The following DYTN variants were observed in gnomAD, a reference collection of about 807,000 sequenced individuals.
The protein encoded by DYTN is dystrotelin.
A neutral mutation model predicts 69.6 loss-of-function variants in DYTN; 75 were observed. That is an observed-to-expected ratio of 1.08 (90% CI 0.89 to 1.31). The LOEUF (loss-of-function observed/expected upper bound fraction) is 1.31, where lower values mean the gene tolerates loss of function less well. Among genes scored for constraint, DYTN ranks in the 50% most tolerant of loss-of-function variants. The pLI is 0.00. For synonymous variants in DYTN, 252 were observed against 249.1 expected (o/e 1.01, Z -0.11); for missense variants, 726 against 688.4 (o/e 1.05, Z -0.61).
At chr2:206,688,564 T>C (rs1402806943) in intron 9 of DYTN, among the ~76,000 whole-genome samples, 1 of 152,158 alleles carries the variant, frequency 6.6e-6, no homozygotes, top group African/African-American at 2.4e-5. Context: ...CAACTCAAAA[T>C]TTTTTTGCCA....
chr2:206,668,272 C>T (rs541968296), intron 9 of DYTN, among the ~76,000 whole-genome samples: 64 of 152,326 alleles, frequency 4.2e-4, no homozygotes, highest in South Asian at 6.2e-4. Flanking sequence ...TCTGGCCTAT[C>T]CACCAGGTCT....
At chr2:206,657,964 T>C (rs1306204020) in intron 11 of DYTN, among the ~76,000 whole-genome samples, 1 of 152,188 alleles carries the variant, frequency 6.6e-6, no homozygotes, top group Non-Finnish European at 1.5e-5. Context: ...CCTTTCTTTC[T>C]CCTCTGCTTC....
intron 10 of DYTN, 54 bp from the exon 11 acceptor site, chr2:206,663,449 AT>A: frequency 1.3e-6 from 2 of 1,485,840 alleles, no homozygotes; most frequent in East Asian, 4.8e-5. Context: ...TTACTTTTTC[AT>A]AAATGCATTA....
intron 9 of DYTN, among the ~76,000 whole-genome samples, chr2:206,677,761 C>T (rs573408807): frequency 1.5e-4 from 23 of 152,172 alleles, no homozygotes; most frequent in African/African-American, 4.8e-4. Context: ...GAGACTGAGG[C>T]GGGCAGATCA....
At chr2:206,687,464 C>T (rs1399166247) in intron 9 of DYTN, 2 of 152,128 alleles carry the variant, frequency 1.3e-5, no homozygotes, top group Non-Finnish European at 2.9e-5. Context: ...TATCTTATTA[C>T]CGAAAATATT....
At chr2:206,706,006 T>C in intron 3 of DYTN, 133 bp from the exon 4 acceptor site, 1 of 816,606 alleles carries the variant, frequency 1.2e-6, no homozygotes, top group Admixed American at 2.5e-5. Context: ...TTGTGGCCTC[T>C]TATCCTATAC....
At position 206,661,913 on chromosome 2, in the gene DYTN, A is replaced by T. The variant is rs192447181; in HGVS notation, c.1633+990T>A. ...ATGATGGATTGACTTACTATTTTTT[A>T]AATTTTATGATGGTGCAAAAGTGAT... is the stretch of plus-strand genomic sequence containing the variant. On this transcript the variant is annotated intron_variant, in intron 11 of 11. Coordinates refer to ENST00000452335, the MANE Select transcript of DYTN (RefSeq NM_001093730.1). 2.3e-3 allele frequency among the ~76,000 whole-genome samples: 348 copies of T among 152,296 alleles called. 4 individuals are homozygous for T. Among genetic ancestry groups the T allele is most frequent in the African/African-American group, 7.9e-3 (329 of 41,558 alleles).
At chr2:206,705,756 C>T (rs1266450806) in intron 4 of DYTN, 32 bp downstream of exon 4, 1 of 1,606,452 alleles carries the variant, frequency 6.2e-7, no homozygotes. Context: ...GCTCACTGCA[C>T]TTTAGGACAC....
chr2:206,702,474 G>A (rs1000159205), intron 5 of DYTN, among the ~76,000 whole-genome samples: 3 of 152,220 alleles, frequency 2.0e-5, no homozygotes, highest in Non-Finnish European at 4.4e-5. Context: ...GTGTAATAGT[G>A]ACAAGATGGC....
At position 206,677,614 on chromosome 2, in the gene DYTN, C is replaced by G. The variant is rs922826550; in HGVS notation, c.981-11585G>C. Among the ~76,000 whole-genome samples the G allele has an allele frequency of 8.5e-5, 13 of 152,284 alleles. 1 individual carries two copies. The highest frequency in any genetic ancestry group is 7.8e-4 in the Admixed American group (12 of 15,292). On this transcript the variant is annotated intron_variant, in intron 9 of 11. Coordinates refer to ENST00000452335, the MANE Select transcript of DYTN (RefSeq NM_001093730.1). ...CAAATGATGTTAAAACAAAATACAG[C>G]TAGAGTCATTTGATTTCTCAATGAA...
chr2:206,698,916 C>T (rs776192068), intron 7 of DYTN, among the ~76,000 whole-genome samples: 1 of 152,198 alleles, frequency 6.6e-6, no homozygotes, highest in African/African-American at 2.4e-5. Context: ...GCAGGGACTC[C>T]GGATTTAGGA....
At chr2:206,714,771 G>T (rs1700111681) in intron 1 of DYTN, among the ~76,000 whole-genome samples, 1 of 152,146 alleles carries the variant, frequency 6.6e-6, no homozygotes, top group South Asian at 2.1e-4. Flanking sequence ...TTGACATGGA[G>T]TCCCATGTCT....
intron 1 of DYTN, among the ~76,000 whole-genome samples, chr2:206,716,679 T>C (rs1038007799): frequency 2.0e-5 from 3 of 151,972 alleles, no homozygotes; most frequent in Non-Finnish European, 4.4e-5. Flanking sequence ...AGAGTAGGCA[T>C]AATAGGGTGG....
Position 206,707,521 on chromosome 2 carries a change from A to G in DYTN, c.95-18T>C. 2 of 1,595,064 alleles carry G rather than the reference A, an allele frequency of 1.3e-6. No homozygotes were observed. The highest frequency in any genetic ancestry group is 2.3e-5 in the South Asian group (2 of 87,686). On this transcript the variant is annotated intron_variant, in intron 2 of 11. Coordinates refer to ENST00000452335, the MANE Select transcript of DYTN (RefSeq NM_001093730.1). ...CAAGTCCACTGTAGGAAGCAAATGA[A>G]GAATTGAGCCTTATTTTCTGATGGG... is the stretch of plus-strand genomic sequence containing the variant.
chr2:206,651,660 G>C lies in DYTN; in HGVS notation c.*158C>G, dbSNP rs1699387803. 1 of 619,528 alleles carries C rather than the reference G, an allele frequency of 1.6e-6. No homozygotes were observed. Among genetic ancestry groups the C allele is most frequent in the Admixed American group, 3.0e-5 (1 of 33,520 alleles). The allele number at this position is 619,528 out of a possible 1,614,324, so 38.4% of individuals were successfully genotyped here. A position where few individuals can be genotyped will look rare whatever the true frequency, so the allele number is the denominator to read the frequency against. On this transcript the variant is annotated 3_prime_UTR_variant, in exon 12 of 12. Transcript: ENST00000452335. ...CCTTCACTCTGAACTGCAGAACTAA[G>C]ATACATAAGTAGGGAGGGAGATCAA...
intron 10 of DYTN, among the ~76,000 whole-genome samples, chr2:206,664,207 A>T (rs1349405476): frequency 2.0e-5 from 3 of 152,208 alleles, no homozygotes; most frequent in Non-Finnish European, 2.9e-5. Context: ...GACACTTCTG[A>T]TGTGTACTGA....
At chr2:206,673,927 C>T (rs1699654900) in intron 9 of DYTN, among the ~76,000 whole-genome samples, 1 of 152,184 alleles carries the variant, frequency 6.6e-6, no homozygotes, top group South Asian at 2.1e-4. Context: ...AAGGACATCA[C>T]TATTGAGTCT....
rs10531348 is a variant in DYTN, at chr2:206,683,339, CTTTTT to C, written c.980+9831_980+9835del. ...TCCTCACCTCTTCTTTTTACTTTTT[CTTTTT>C]TTTTTTTTTTTTTTTTTGAGATGGA... is the stretch of plus-strand genomic sequence containing the variant. On this transcript the variant is annotated intron_variant, in intron 9 of 11. Transcript: ENST00000452335. Among the ~76,000 whole-genome samples the C allele has an allele frequency of 4.8e-3, 535 of 111,906 alleles. 7 individuals carry two copies. The highest frequency in any genetic ancestry group is 0.015 in the African/African-American group (484 of 31,374). 73.4% of individuals were successfully genotyped at this position (111,906 alleles called of 152,430 possible). A position where few individuals can be genotyped will look rare whatever the true frequency, so the allele number is the denominator to read the frequency against.
chr2:206,704,240 C>T (rs888855877), intron 5 of DYTN, among the ~76,000 whole-genome samples: 3 of 152,014 alleles, frequency 2.0e-5, no homozygotes, highest in Middle Eastern at 3.2e-3. Flanking sequence ...CAAAGTTATG[C>T]ATAGGAAGTC....
Sources: gnomAD v4.1 joint callset for allele counts (sites outside exome capture counted in the v4.1 genomes callset) on GRCh38, gnomAD v4.1.1 for gene constraint, MANE v1.5 for transcripts, NCBI Gene and HGNC (gene_info 2026-07-23, HGNC 2026-07-21) for gene names.